Variants in ITPR2 observed in about 807,000 individuals in gnomAD.
ITPR2 encodes the protein inositol 1,4,5-trisphosphate-gated calcium channel ITPR2.
In ITPR2, 207 loss-of-function variants were observed where a neutral mutation model predicts 317.1. That is an observed-to-expected ratio of 0.65 (90% CI 0.58 to 0.73). The LOEUF (loss-of-function observed/expected upper bound fraction) is 0.73, where lower values mean the gene tolerates loss of function less well. Among genes scored for constraint, ITPR2 ranks in the 30% least tolerant of loss-of-function variants. ITPR2 has a pLI of 0.00. For missense variants in ITPR2, 2,613 were observed against 3,284.0 expected (o/e 0.80, Z 4.99); for synonymous variants, 1,156 against 1,149.1 (o/e 1.01, Z -0.12).
intron 2 of ITPR2, among the ~76,000 whole-genome samples, chr12:26,778,268 G>A (rs1336525826): frequency 1.3e-5 from 2 of 152,210 alleles, no homozygotes; most frequent in African/African-American, 4.8e-5. Flanking sequence ...ACCCTGGAGG[G>A]ATTGCGGAGA....
intron 20 of ITPR2, 41 bp from the exon 21 acceptor site, chr12:26,654,167 A>G (rs1161758691): frequency 2.7e-6 from 4 of 1,493,840 alleles, no homozygotes; most frequent in Non-Finnish European, 3.6e-6. Context: ...AGGGTGAAAG[A>G]GTGGAAAAAA....
chr12:26,503,226 A>T (rs78428841), intron 37 of ITPR2, among the ~76,000 whole-genome samples: 11,491 of 53,066 alleles, frequency 0.22, 510 homozygotes, highest in Middle Eastern at 0.35. Context: ...CACACGGATT[A>T]AGTGAGAGAC....
intron 9 of ITPR2, among the ~76,000 whole-genome samples, chr12:26,707,569 T>C (rs1241738373): frequency 2.0e-5 from 3 of 152,234 alleles, no homozygotes; most frequent in African/African-American, 7.2e-5. Flanking sequence ...TCTTGTTCTT[T>C]TGCCCACGCT....
At chr12:26,649,131 C>T (rs905406784) in intron 21 of ITPR2, 1 of 152,044 alleles carries the variant, frequency 6.6e-6, no homozygotes, top group Non-Finnish European at 1.5e-5. Flanking sequence ...ACAAAGAACT[C>T]CCACATAGAC....
chr12:26,782,974 C>CTA (rs1950123200), intron 2 of ITPR2, among the ~76,000 whole-genome samples: 2 of 152,194 alleles, frequency 1.3e-5, no homozygotes, highest in Non-Finnish European at 2.9e-5. Flanking sequence ...AAAGTCAAAG[C>CTA]AACTGCCTAG....
intron 26 of ITPR2, among the ~76,000 whole-genome samples, chr12:26,620,612 G>A (rs1347768186): frequency 1.3e-5 from 2 of 152,140 alleles, no homozygotes; most frequent in Non-Finnish European, 2.9e-5. Flanking sequence ...CACTAAAAAA[G>A]CCAATACAAC....
intron 26 of ITPR2, among the ~76,000 whole-genome samples, chr12:26,603,077 T>C (rs970168190): frequency 2.0e-5 from 3 of 152,136 alleles, no homozygotes; most frequent in African/African-American, 7.2e-5. Context: ...GCATAAAAGA[T>C]AATTTAATCA....
intron 5 of ITPR2, chr12:26,721,236 G>T: frequency 2.1e-6 from 1 of 475,990 alleles, no homozygotes; most frequent in South Asian, 3.7e-5. Context: ...ACCAACACAA[G>T]ACTTAAAGTG....
In ITPR2 at chr12:26,597,121, C is replaced by A. The variant is rs762658762; in HGVS notation, c.4016G>T (p.Gly1339Val). 3.1e-6 allele frequency: 5 copies of A among 1,613,598 alleles called. No individual in the cohort carries two copies. The highest frequency in any genetic ancestry group is 4.2e-6 in the Non-Finnish European group (5 of 1,179,836). ...DMVMTELING[G>V]EDVLIFYNDR... ...ATTGTAAAATATCAGCACGTCTTCA[C>A]CCCCATTTATCAACTGAAATGATAA... Residue 1339 changes from glycine (G) to valine (V), a missense_variant, in exon 31 of 57, where the codon GGT becomes GTT. Gly to Val is a moderately radical substitution (Grantham distance 109). Transcript: ENST00000381340.
chr12:26,681,893 T>C lies in ITPR2; in HGVS notation c.1390A>G (p.Ile464Val), dbSNP rs761608568. Residue 464 changes from isoleucine (I) to valine (V), a missense_variant, in exon 13 of 57, where the codon ATA becomes GTA. By Grantham distance (29) the Ile-to-Val change is conservative (BLOSUM62 3). This residue lies in a region of ITPR2 where 515 missense variants were observed against 789.4 expected (regional missense o/e 0.65). Coordinates refer to ENST00000381340, the MANE Select transcript of ITPR2 (RefSeq NM_002223.4). ...AGTTACCTCCTTTCATTCTGAGTTATTGTGCCGTTTTCTAGCTTTTTAACT... is the reference window on the plus strand; with the variant it reads ...AGTTACCTCCTTTCATTCTGAGTTACTGTGCCGTTTTCTAGCTTTTTAACT... ...TTVKKLENGT[I>V]TQNERRFVTK... 20 of 1,611,998 alleles carry C rather than the reference T, an allele frequency of 1.2e-5. No individual in the cohort carries two copies. The highest frequency in any genetic ancestry group is 1.7e-5 in the Admixed American group (1 of 59,888).
intron 1 of ITPR2, among the ~76,000 whole-genome samples, chr12:26,807,990 T>C (rs1373429307): frequency 6.6e-6 from 1 of 152,226 alleles, no homozygotes; most frequent in Non-Finnish European, 1.5e-5. Context: ...GACACAGTTC[T>C]TGATCCAAAG....
At position 26,434,738 on chromosome 12, in the gene ITPR2, G is replaced by A. The variant is rs148827397; in HGVS notation, c.6769+1483C>T. On this transcript the variant is annotated intron_variant, in intron 48 of 56. Coordinates refer to ENST00000381340, the MANE Select transcript of ITPR2 (RefSeq NM_002223.4). Reference sequence around the variant, plus strand: ...GCTTCCATCTGTTCATCTGTCAAATGAGTGTTTGATATTAGATGATTTCCA... The same window carrying A: ...GCTTCCATCTGTTCATCTGTCAAATAAGTGTTTGATATTAGATGATTTCCA... Among the ~76,000 whole-genome samples the A allele has an allele frequency of 3.9e-5, 6 of 152,290 alleles. 1 individual carries two copies. The East Asian group carries it at 1.2e-3, about 29-fold the overall frequency.
At chr12:26,428,870 T>C (rs1279292564) in intron 48 of ITPR2, among the ~76,000 whole-genome samples, 1 of 152,232 alleles carries the variant, frequency 6.6e-6, no homozygotes, top group Non-Finnish European at 1.5e-5. Context: ...TTTGCAGAAG[T>C]AAATTAAGAG....
chr12:26,772,268 A>C (rs1264943002), intron 2 of ITPR2, among the ~76,000 whole-genome samples: 1 of 151,384 alleles, frequency 6.6e-6, no homozygotes, highest in East Asian at 1.9e-4. Flanking sequence ...TCTCAGGCCA[A>C]ATGCCATCTC....
At chr12:26,633,544 T>C (rs1171538648) in intron 21 of ITPR2, among the ~76,000 whole-genome samples, 1 of 152,240 alleles carries the variant, frequency 6.6e-6, no homozygotes, top group African/African-American at 2.4e-5. Context: ...ATAAGTGTAA[T>C]TTCCAAGTTC....
intron 5 of ITPR2, chr12:26,721,205 G>GT (rs11407207): frequency 0.44 from 173,806 of 396,366 alleles, 28,723 homozygotes; most frequent in African/African-American, 0.5. Context: ...AAAAAGTAGG[G>GT]TTTTTTTTTT....
intron 32 of ITPR2, among the ~76,000 whole-genome samples, chr12:26,586,581 GT>G (rs1400587875): frequency 6.6e-6 from 1 of 151,802 alleles, no homozygotes; most frequent in Non-Finnish European, 1.5e-5. Flanking sequence ...ACTGGTTCAG[GT>G]TTTTTTCTAT....
In ITPR2 at chr12:26,825,516, CA is replaced by C. The variant is rs563114144; in HGVS notation, c.92+7173del. 1.1e-3 allele frequency among the ~76,000 whole-genome samples: 156 copies of C among 146,710 alleles called. No homozygotes were observed. The Middle Eastern group carries it at 0.014, about 13-fold the overall frequency. On this transcript the variant is annotated intron_variant, in intron 1 of 56. Coordinates refer to ENST00000381340, the MANE Select transcript of ITPR2 (RefSeq NM_002223.4). Reference sequence around the variant, plus strand: ...CACACTATCTGCATGAGAACAGTTACAAAAAAAAAAGTGTCATTGTGAAAAG... The same window carrying C: ...CACACTATCTGCATGAGAACAGTTACAAAAAAAAAGTGTCATTGTGAAAAG...
At chr12:26,374,419 G>A (rs760175918) in intron 55 of ITPR2, among the ~76,000 whole-genome samples, 3 of 152,160 alleles carry the variant, frequency 2.0e-5, no homozygotes, top group African/African-American at 4.8e-5. Flanking sequence ...GACATTATAG[G>A]TGCTATGTAT....
Sources: allele counts gnomAD v4.1 joint callset (sites outside exome capture counted in the v4.1 genomes callset), GRCh38; gene constraint gnomAD v4.1.1; regional missense constraint gnomAD v4.1.1; transcripts MANE v1.5; gene names NCBI Gene and HGNC (gene_info 2026-07-23, HGNC 2026-07-21).